Variants in RAPGEF2 observed in about 807,000 individuals in gnomAD.
The protein encoded by RAPGEF2 is PDZ domain containing guanine nucleotide exchange factor (GEF) 1.
RAPGEF2 carries 54 observed loss-of-function variants against 186.7 expected under a neutral mutation model. The ratio of observed to expected loss-of-function variants is 0.29; its 90% CI spans 0.23 to 0.36. The LOEUF is 0.36. RAPGEF2 is among the 10% of genes least tolerant of loss of function. The pLI is 1.00. For missense variants in RAPGEF2, 1,532 were observed against 2,045.0 expected, an observed-to-expected ratio of 0.75 and a Z score of 4.84; for synonymous variants, 712 against 705.9, an observed-to-expected ratio of 1.01 and a Z score of -0.14.
chr4:159,163,021 GAGTT>G (rs1280859843), intron 1 of RAPGEF2, among the ~76,000 whole-genome samples: 1 of 152,038 alleles, frequency 6.6e-6, no homozygotes, highest in Non-Finnish European at 1.5e-5. Flanking sequence ...TTCCAAAAAG[GAGTT>G]AGTTATTTCT....
At position 159,330,259 on chromosome 4, in the gene RAPGEF2, A is replaced by ATG. The variant is rs1164757472; in HGVS notation, c.1303-73_1303-72dup. 1.2e-3 allele frequency: 636 copies of ATG among 531,068 alleles called. 1 individual carries two copies. The African/African-American group carries it at 0.02, about 17-fold the overall frequency. 32.9% of individuals were successfully genotyped at this position (531,068 alleles called of 1,614,324 possible). A position where few individuals can be genotyped will look rare whatever the true frequency, so the allele number is the denominator to read the frequency against. On this transcript the variant is annotated intron_variant, in intron 12 of 29. Coordinates refer to ENST00000691494, the MANE Select transcript of RAPGEF2 (RefSeq NM_001394067.2). ...AAATGTCATATATGTGTGTGTGTAT[A>ATG]TGTATATGTGTGTGTGTGTGTGTGT...
At chr4:159,113,063 CA>C (rs1250598906) in intron 1 of RAPGEF2, among the ~76,000 whole-genome samples, 1 of 152,092 alleles carries the variant, frequency 6.6e-6, no homozygotes, top group Admixed American at 6.5e-5. Flanking sequence ...GGACATTTTA[CA>C]AAATAACTGG....
chr4:159,159,842 T>C (rs144247753), intron 1 of RAPGEF2, among the ~76,000 whole-genome samples: 2 of 152,330 alleles, frequency 1.3e-5, no homozygotes, highest in East Asian at 3.9e-4. Flanking sequence ...GCTGCATCCT[T>C]TTTCTTTATT....
chr4:159,273,193 C>T (rs148683862), intron 7 of RAPGEF2, among the ~76,000 whole-genome samples: 52 of 152,184 alleles, frequency 3.4e-4, no homozygotes, highest in African/African-American at 1.3e-3. Flanking sequence ...CATGATTTTC[C>T]ACTGTGCTTG....
At chr4:159,113,166 C>A (rs1056926315) in intron 1 of RAPGEF2, among the ~76,000 whole-genome samples, 16 of 152,008 alleles carry the variant, frequency 1.1e-4, no homozygotes, top group African/African-American at 3.6e-4. Flanking sequence ...ATGTGATAAC[C>A]AAATGTAATG....
intron 1 of RAPGEF2, among the ~76,000 whole-genome samples, chr4:159,160,590 T>C (rs971441355): frequency 6.6e-6 from 1 of 152,252 alleles, no homozygotes; most frequent in Non-Finnish European, 1.5e-5. Flanking sequence ...ACTAACTGCA[T>C]TGCCTGCGCA....
intron 1 of RAPGEF2, among the ~76,000 whole-genome samples, chr4:159,110,750 G>A (rs1286213551): frequency 1.3e-5 from 2 of 152,090 alleles, no homozygotes; most frequent in Admixed American, 6.5e-5. Context: ...GACTTGTGAC[G>A]ACACAATGTA....
At chr4:159,194,600 G>T (rs1748433678) in intron 3 of RAPGEF2, among the ~76,000 whole-genome samples, 1 of 152,034 alleles carries the variant, frequency 6.6e-6, no homozygotes, top group African/African-American at 2.4e-5. Context: ...AAAAGATAGT[G>T]ACTTTAACAA....
chr4:159,342,666 C>T (rs1211695286), intron 20 of RAPGEF2, among the ~76,000 whole-genome samples: 1 of 149,906 alleles, frequency 6.7e-6, no homozygotes, highest in Non-Finnish European at 1.5e-5. Flanking sequence ...CCGCTATGGG[C>T]TAAGCACTGC....
Position 159,291,441 on chromosome 4 carries a change from G to A in RAPGEF2, c.544-12901G>A, listed in dbSNP as rs551731298. On this transcript the variant is annotated intron_variant, in intron 7 of 29. Transcript: ENST00000691494. The stretch of plus-strand genomic sequence containing the variant: ...CTCCTTAGTAGCTGGGACTACAGAC[G>A]TGTGTCATCACACCCGGCTAATTTT... Among the ~76,000 whole-genome samples the A allele has an allele frequency of 3.9e-5, 6 of 152,112 alleles. No individual in the cohort carries two copies. The South Asian group carries it at 6.2e-4, about 16-fold the overall frequency.
At chr4:159,333,566 G>A (rs1385628504) in intron 17 of RAPGEF2, among the ~76,000 whole-genome samples, 2 of 152,174 alleles carry the variant, frequency 1.3e-5, no homozygotes, top group African/African-American at 2.4e-5. Context: ...AATGTCAGGT[G>A]TATTCTTGAA....
chr4:159,108,806 T>G (rs866984404), intron 1 of RAPGEF2, among the ~76,000 whole-genome samples: 7 of 152,100 alleles, frequency 4.6e-5, no homozygotes, highest in Non-Finnish European at 1.0e-4. Context: ...GCAGCCTCTA[T>G]CTCCCAGACT....
intron 7 of RAPGEF2, among the ~76,000 whole-genome samples, chr4:159,252,011 G>C (rs1317396467): frequency 6.6e-6 from 1 of 152,056 alleles, no homozygotes; most frequent in Non-Finnish European, 1.5e-5. Flanking sequence ...AAGGAACAAA[G>C]ACACATCTGA....
chr4:159,126,409 A>G (rs866287070), intron 1 of RAPGEF2, among the ~76,000 whole-genome samples: 6 of 152,152 alleles, frequency 3.9e-5, no homozygotes, highest in Non-Finnish European at 5.9e-5. Context: ...TAAAAATAAG[A>G]AAGTCTCACC....
intron 1 of RAPGEF2, among the ~76,000 whole-genome samples, chr4:159,165,280 A>T (rs567415238): frequency 3.3e-5 from 5 of 152,320 alleles, no homozygotes; most frequent in African/African-American, 1.2e-4. Context: ...AAAATAGAAC[A>T]TTAAAATAGA....
At chr4:159,303,336 A>G (rs919359961) in intron 7 of RAPGEF2, among the ~76,000 whole-genome samples, 8 of 152,206 alleles carry the variant, frequency 5.3e-5, no homozygotes, top group African/African-American at 9.6e-5. Flanking sequence ...AGTTTTAACA[A>G]TTAGTCCTTA....
At chr4:159,198,146 A>C (rs1284604854) in intron 3 of RAPGEF2, among the ~76,000 whole-genome samples, 1 of 152,168 alleles carries the variant, frequency 6.6e-6, no homozygotes, top group Admixed American at 6.5e-5. Context: ...TTATTACAAA[A>C]GCACTAATCT....
intron 23 of RAPGEF2, among the ~76,000 whole-genome samples, 155 bp downstream of exon 23, chr4:159,344,214 A>G (rs890123801): frequency 6.6e-6 from 1 of 152,170 alleles, no homozygotes; most frequent in Non-Finnish European, 1.5e-5. Flanking sequence ...ATTGACTTCA[A>G]GTTTAATCTG....
At chr4:159,113,618 T>C (rs1309000689) in intron 1 of RAPGEF2, among the ~76,000 whole-genome samples, 1 of 151,790 alleles carries the variant, frequency 6.6e-6, no homozygotes, top group East Asian at 1.9e-4. Context: ...GGCGCATGCT[T>C]GTAATTCCAG....
Sources: gnomAD v4.1 joint callset for allele counts (sites outside exome capture counted in the v4.1 genomes callset) on GRCh38, gnomAD v4.1.1 for gene constraint, MANE v1.5 for transcripts, NCBI Gene and HGNC (gene_info 2026-07-23, HGNC 2026-07-21) for gene names.